POU3F3: variants seen among roughly 807,000 people sequenced by gnomAD.
POU3F3 encodes the protein POU domain, class 3, transcription factor 3.
Under a neutral mutation model 8.6 loss-of-function variants are expected in POU3F3, and 1 was observed. The observed-to-expected ratio is 0.12, with a 90% CI of 0.04 to 0.55. The LOEUF (loss-of-function observed/expected upper bound fraction) is 0.55, where lower values mean the gene tolerates loss of function less well. POU3F3 is among the 20% of genes least tolerant of loss of function. The pLI, the probability that POU3F3 is intolerant of heterozygous loss-of-function variation, is 0.91. For synonymous variants in POU3F3, 418 were observed against 327.4 expected (o/e 1.28, Z -2.99); for missense variants, 577 against 690.7 (o/e 0.84, Z 1.84).
chr2:104,886,378 GACATGTTGT>G, the POU3F3 span, among the ~76,000 whole-genome samples: 1 of 152,188 alleles, frequency 6.6e-6, no homozygotes, highest in Admixed American at 6.5e-5. Flanking sequence ...TCAGTACAGT[GACATGTTGT>G]ACAGGTCTGC....
chr2:104,854,042 G>A (rs1676496878), upstream of POU3F3, among the ~76,000 whole-genome samples: 2 of 152,216 alleles, frequency 1.3e-5, no homozygotes, highest in African/African-American at 4.8e-5. The surrounding 1 kb of genome is among the most constrained non-coding windows in gnomAD (Gnocchi z 4.5). Context: ...CAATCAGCGG[G>A]GGCCCTGGTG....
At chr2:104,893,431 C>T in the POU3F3 span, among the ~76,000 whole-genome samples, 2 of 152,186 alleles carry the variant, frequency 1.3e-5, no homozygotes, top group Non-Finnish European at 2.9e-5. Context: ...GTTCTGTGGC[C>T]GCACAAGGGA....
Position 104,856,431 on chromosome 2 carries a change from C to A in POU3F3, c.921C>A (p.Ser307Arg), listed in dbSNP as rs768860277. Residue 307 changes from serine (S) to arginine (R), a missense_variant, in exon 1 of 1, where the codon AGC (serine) becomes AGA (arginine). Physicochemically the swap from Ser to Arg is moderately radical, Grantham distance 110 (BLOSUM62 -1). This residue lies in a region of POU3F3 where 484 missense variants were observed against 422.6 expected (regional missense o/e 1.15). Transcript: ENST00000361360. ...GGGGAGPGLNSHDPHSDEDTP... is the reference protein window; with the variant it reads ...GGGGAGPGLNRHDPHSDEDTP... ...GCGGCGCGGGGCCTGGACTCAACAG[C>A]CACGACCCGCACTCGGACGAGGACA... 1 of 1,608,612 alleles carries A rather than the reference C, an allele frequency of 6.2e-7. No homozygotes were observed. Among genetic ancestry groups the A allele is most frequent in the South Asian group, 1.1e-5 (1 of 90,728 alleles).
At chr2:104,898,384 G>A in the POU3F3 span, among the ~76,000 whole-genome samples, 2 of 152,126 alleles carry the variant, frequency 1.3e-5, no homozygotes, top group African/African-American at 2.4e-5. Context: ...GGATATTATT[G>A]TTTAGATTAG....
chr2:104,876,322 A>G, the POU3F3 span, among the ~76,000 whole-genome samples: 1 of 152,200 alleles, frequency 6.6e-6, no homozygotes, highest in Non-Finnish European at 1.5e-5. Flanking sequence ...GACATTGGCC[A>G]TGTGGGTGAT....
chr2:104,915,682 C>T, the POU3F3 span, among the ~76,000 whole-genome samples: 1 of 151,744 alleles, frequency 6.6e-6, no homozygotes, highest in East Asian at 1.9e-4. Context: ...CCAAATCCCT[C>T]AAGCCAACCA....
At chr2:104,880,630 G>C in the POU3F3 span, among the ~76,000 whole-genome samples, 4 of 152,098 alleles carry the variant, frequency 2.6e-5, no homozygotes, top group African/African-American at 9.7e-5. Context: ...TGCCTTTCCG[G>C]GCCAATGGAT....
the POU3F3 span, chr2:104,868,064 G>A: frequency 2.2e-5 from 8 of 357,270 alleles, no homozygotes; most frequent in African/African-American, 1.7e-4. Flanking sequence ...CCAGCACCGG[G>A]AGACTGGAAG....
At chr2:104,871,991 C>T in the POU3F3 span, among the ~76,000 whole-genome samples, 1 of 152,158 alleles carries the variant, frequency 6.6e-6, no homozygotes. Context: ...GCCAGACCTT[C>T]CCACGCGCGG....
the POU3F3 span, among the ~76,000 whole-genome samples, chr2:104,894,093 A>C: frequency 6.6e-6 from 1 of 152,256 alleles, no homozygotes; most frequent in East Asian, 1.9e-4. Flanking sequence ...AGTCAGCTCC[A>C]TGGGCTTGGC....
chr2:104,895,753 T>C, the POU3F3 span, among the ~76,000 whole-genome samples: 1 of 152,198 alleles, frequency 6.6e-6, no homozygotes, highest in African/African-American at 2.4e-5. Flanking sequence ...ATTGGGTCTA[T>C]TGGATAAAAA....
At chr2:104,892,316 T>G in the POU3F3 span, among the ~76,000 whole-genome samples, 3 of 152,220 alleles carry the variant, frequency 2.0e-5, no homozygotes, top group Non-Finnish European at 4.4e-5. Context: ...TGGCCCAGGA[T>G]GATGCCCTCA....
chr2:104,913,509 A>T, the POU3F3 span, among the ~76,000 whole-genome samples: 1 of 152,126 alleles, frequency 6.6e-6, no homozygotes, highest in African/African-American at 2.4e-5. Context: ...ATCAGAGCTA[A>T]AAATGCAGGT....
Position 104,856,325 on chromosome 2 carries a change from A to G in POU3F3, c.815A>G (p.His272Arg), listed in dbSNP as rs1393561731. The G allele has an allele frequency of 2.0e-6, 3 of 1,507,028 alleles. No individual in the cohort carries two copies. The South Asian group carries it at 3.8e-5, about 19-fold the overall frequency. 93.4% of individuals were successfully genotyped at this position (1,507,028 alleles called of 1,614,324 possible). A position where few individuals can be genotyped will look rare whatever the true frequency, so the allele number is the denominator to read the frequency against. Residue 272 changes from histidine to arginine, a missense_variant, in exon 1 of 1, where the codon CAC becomes CGC. Physicochemically the swap from His to Arg is conservative, Grantham distance 29. Coordinates refer to ENST00000361360, the MANE Select transcript of POU3F3 (RefSeq NM_006236.3). ...GDTPELAEHH[H>R]HHHHHAHPHP... ...ACGCCAGAGCTGGCCGAGCACCACC[A>G]CCACCACCACCACCACGCGCATCCT...
the POU3F3 span, among the ~76,000 whole-genome samples, chr2:104,909,643 T>A: frequency 6.6e-6 from 1 of 152,250 alleles, no homozygotes; most frequent in Non-Finnish European, 1.5e-5. Flanking sequence ...TCAGGCTGCT[T>A]CCCAGCTGGG....
At chr2:104,903,131 T>C in the POU3F3 span, among the ~76,000 whole-genome samples, 1 of 152,268 alleles carries the variant, frequency 6.6e-6, no homozygotes, top group African/African-American at 2.4e-5. Context: ...GATCCTTTCA[T>C]AGTGTAATAT....
At chr2:104,885,143 T>G in the POU3F3 span, among the ~76,000 whole-genome samples, 1 of 152,214 alleles carries the variant, frequency 6.6e-6, no homozygotes, top group Non-Finnish European at 1.5e-5. Context: ...TCTGTGTTAC[T>G]GAAAAAAATG....
At chr2:104,887,357 G>A in the POU3F3 span, among the ~76,000 whole-genome samples, 2 of 152,222 alleles carry the variant, frequency 1.3e-5, no homozygotes, top group East Asian at 3.8e-4. Flanking sequence ...CCCTACTCAA[G>A]ATGGAGTTGT....
the POU3F3 span, among the ~76,000 whole-genome samples, chr2:104,878,841 G>A: frequency 6.6e-6 from 1 of 152,070 alleles, no homozygotes; most frequent in Non-Finnish European, 1.5e-5. Flanking sequence ...CCAGATTTGT[G>A]TGTGTTTCAC....
Sources: allele counts gnomAD v4.1 joint callset (sites outside exome capture counted in the v4.1 genomes callset), GRCh38; gene constraint gnomAD v4.1.1; regional missense constraint gnomAD v4.1.1; non-coding constraint Gnocchi (gnomAD v3.1); transcripts MANE v1.5; gene names NCBI Gene and HGNC (gene_info 2026-07-23, HGNC 2026-07-21).